PIK3R5: variants seen among roughly 807,000 people sequenced by gnomAD.
PIK3R5 encodes phosphoinositide 3-kinase regulatory subunit 5.
Under a neutral mutation model 94.9 loss-of-function variants are expected in PIK3R5, and 32 were observed. The ratio of observed to expected loss-of-function variants is 0.34; its 90% CI spans 0.25 to 0.45. The LOEUF is 0.45. PIK3R5 is among the 20% of genes least tolerant of loss of function. The pLI is 1.00. For missense variants in PIK3R5, 853 were observed against 1,144.6 expected, an observed-to-expected ratio of 0.75 and a Z score of 3.68; for synonymous variants, 443 against 479.4, an observed-to-expected ratio of 0.92 and a Z score of 0.99.
chr17:8,892,026 A>G lies in PIK3R5; in HGVS notation c.483-1114T>C, dbSNP rs1330454616. ...CTTCCCCCATGCCAACCCCTCCATC[A>G]CTGCATGACCTCGAAGCAAATTCGA... On this transcript the variant is annotated intron_variant, in intron 6 of 18. Transcript: ENST00000447110. The surrounding 1 kb of genome is among the most constrained non-coding windows in gnomAD (Gnocchi z 4.3). Among the ~76,000 whole-genome samples the G allele has an allele frequency of 6.6e-6, 1 of 152,000 alleles. No homozygotes were observed. Among genetic ancestry groups the G allele is most frequent in the African/African-American group, 2.4e-5 (1 of 41,396 alleles).
At chr17:8,908,788 G>A (rs1243039490) in intron 3 of PIK3R5, among the ~76,000 whole-genome samples, 1 of 152,152 alleles carries the variant, frequency 6.6e-6, no homozygotes, top group Admixed American at 6.5e-5. Flanking sequence ...AAGGAATTGG[G>A]TAAAGTGTCT....
At chr17:8,927,115 T>C (rs1480532638) in intron 1 of PIK3R5, among the ~76,000 whole-genome samples, 1 of 152,154 alleles carries the variant, frequency 6.6e-6, no homozygotes, top group East Asian at 1.9e-4. Flanking sequence ...TCTTTTTGCC[T>C]TATAGATTCC....
At position 8,886,512 on chromosome 17, in the gene PIK3R5, C is replaced by A. The variant is rs760089347; in HGVS notation, c.1999G>T (p.Ala667Ser). The change falls in exon 13 of 19, where the codon GCC becomes TCC. Residue 667 changes from alanine to serine, a missense_variant. By Grantham distance (99) the Ala-to-Ser change is moderately conservative. Around this residue, in one of 6 missense-constraint regions of PIK3R5, gnomAD observed 173 missense variants for 274.1 expected, o/e 0.63. Transcript: ENST00000447110. ...TAGACTTGCAGCAGCACCGGTCTGGCGGCAAAGCGGCAGTAGTAGAGTAGC... is the reference window on the plus strand; with the variant it reads ...TAGACTTGCAGCAGCACCGGTCTGGAGGCAAAGCGGCAGTAGTAGAGTAGC... ...DMLLYYCRFA[A>S]RPVLLQVYQT... 3 of 1,610,908 alleles carry A rather than the reference C, an allele frequency of 1.9e-6. No homozygotes were observed. The Admixed American group carries it at 5.0e-5, about 27-fold the overall frequency.
At chr17:8,928,582 C>T (rs1305498049) in intron 1 of PIK3R5, among the ~76,000 whole-genome samples, 2 of 152,022 alleles carry the variant, frequency 1.3e-5, no homozygotes, top group African/African-American at 4.8e-5. Flanking sequence ...ATTATGAATG[C>T]TAGAAGGAAG....
chr17:8,884,111 CCT>C lies in PIK3R5; in HGVS notation c.2205+594_2205+595del, dbSNP rs1337029425. Among the ~76,000 whole-genome samples, 3 of 152,174 alleles carry C rather than the reference CCT, an allele frequency of 2.0e-5. No individual in the cohort carries two copies. Among genetic ancestry groups the C allele is most frequent in the Non-Finnish European group, 2.9e-5 (2 of 68,022 alleles). On this transcript the variant is annotated intron_variant, in intron 15 of 18. Coordinates refer to ENST00000447110, the MANE Select transcript of PIK3R5 (RefSeq NM_001142633.3). The surrounding 1 kb of genome is among the most constrained non-coding windows in gnomAD (Gnocchi z 5.8). Reference sequence around the variant, plus strand: ...GAGGCCTAGGCTTCCCTGCTCAACCCCTCTTTTCCCCTGCCCAGCACAGAGGC... The same window carrying C: ...GAGGCCTAGGCTTCCCTGCTCAACCCCTTTTCCCCTGCCCAGCACAGAGGC...
intron 5 of PIK3R5, among the ~76,000 whole-genome samples, chr17:8,903,495 T>C (rs1442331594): frequency 6.7e-6 from 1 of 149,976 alleles, no homozygotes; most frequent in Non-Finnish European, 1.5e-5. Flanking sequence ...TATTTATTTG[T>C]AAAATATTTA....
At position 8,909,298 on chromosome 17, in the gene PIK3R5, T is replaced by TA; in HGVS notation, c.104-125_104-124insT. On this transcript the variant is annotated intron_variant, in intron 2 of 18. Transcript: ENST00000447110. This position sits in a 1 kb window ranked among gnomAD's most constrained non-coding sequence, Gnocchi z 4.3. ...CTGTGGTATTGCACTGGAACACTCT[T>TA]TTTTTTTTTTGAGACAGAGTCTTGC... 2.0e-6 allele frequency: 1 copy of TA among 503,600 alleles called. No homozygotes were observed. The highest frequency in any genetic ancestry group is 2.4e-5 in the South Asian group (1 of 42,112). The allele number at this position is 503,600 out of a possible 1,614,324, so 31.2% of individuals were successfully genotyped here. A position where few individuals can be genotyped will look rare whatever the true frequency, so the allele number is the denominator to read the frequency against.
At position 8,888,159 on chromosome 17, in the gene PIK3R5, T is replaced by G; in HGVS notation, c.1616+12A>C. 6.2e-7 allele frequency: 1 copy of G among 1,612,928 alleles called. No homozygotes were observed. Among genetic ancestry groups the G allele is most frequent in the Non-Finnish European group, 8.5e-7 (1 of 1,179,682 alleles). The stretch of plus-strand genomic sequence containing the variant: ...CCCAGGGCAGAGGGATGCTCCGCAT[T>G]ACGGCTCTTACCGAAGGTTGCTGTA... On this transcript the variant is annotated intron_variant, in intron 10 of 18. Coordinates refer to ENST00000447110, the MANE Select transcript of PIK3R5 (RefSeq NM_001142633.3). This position sits in a 1 kb window ranked among gnomAD's most constrained non-coding sequence, Gnocchi z 7.8.
At chr17:8,933,966 T>C (rs934276996) in intron 1 of PIK3R5, among the ~76,000 whole-genome samples, 6 of 152,208 alleles carry the variant, frequency 3.9e-5, no homozygotes, top group Non-Finnish European at 8.8e-5. Context: ...AAAGAGCATC[T>C]ATGAAAAATC....
rs1488626574 is a variant in PIK3R5 at position 8,889,026 on chromosome 17, C to G, written c.895+113G>C. Reference sequence around the variant, plus strand: ...CACTGCCCCCTTGCTCTGCTTAGAGCCTGCTCATGTGGGAGAGCTTTGGGG... The same window carrying G: ...CACTGCCCCCTTGCTCTGCTTAGAGGCTGCTCATGTGGGAGAGCTTTGGGG... On this transcript the variant is annotated intron_variant, in intron 9 of 18. Coordinates refer to ENST00000447110, the MANE Select transcript of PIK3R5 (RefSeq NM_001142633.3). This position sits in a 1 kb window ranked among gnomAD's most constrained non-coding sequence, Gnocchi z 4.1. 1.9e-5 allele frequency: 29 copies of G among 1,513,930 alleles called. No individual in the cohort carries two copies. The East Asian group carries it at 2.5e-4, about 13-fold the overall frequency. The allele number at this position is 1,513,930 out of a possible 1,614,324, so 93.8% of individuals were successfully genotyped here. A position where few individuals can be genotyped will look rare whatever the true frequency, so the allele number is the denominator to read the frequency against.
chr17:8,896,427 T>C lies in PIK3R5; in HGVS notation c.413-2772A>G, dbSNP rs555855922. On this transcript the variant is annotated intron_variant, in intron 5 of 18. Transcript: ENST00000447110. The surrounding 1 kb of genome is among the most constrained non-coding windows in gnomAD (Gnocchi z 4.0). ...AAACAACTTTCTGAGTTTAGCTTCT[T>C]AGATCAAGATTGGTGCAAGGGCTAA... Among the ~76,000 whole-genome samples the C allele has an allele frequency of 1.3e-5, 2 of 152,198 alleles. No homozygotes were observed. The highest frequency in any genetic ancestry group is 2.9e-5 in the Non-Finnish European group (2 of 68,018).
rs775639986 is a variant in PIK3R5, at chr17:8,890,084, C to T, written c.700G>A (p.Ala234Thr). The stretch of plus-strand genomic sequence containing the variant: ...CCAGATGCCAGCTCCTGTGCCTCTG[C>T]GGTCTCCGTGAAGATGTCCTCAAGC... ...AELEDIFTET[A>T]EAQELASGIG... The change falls in exon 8 of 19, where the codon GCA becomes ACA. Residue 234 changes from alanine (A) to threonine (T), a missense_variant. Transcript: ENST00000447110. The surrounding 1 kb of genome is among the most constrained non-coding windows in gnomAD (Gnocchi z 6.1). The T allele has an allele frequency of 1.7e-5, 28 of 1,613,990 alleles. No homozygotes were observed. Among genetic ancestry groups the T allele is most frequent in the East Asian group, 4.5e-5 (2 of 44,878 alleles).
chr17:8,928,846 A>C (rs1334085432), intron 1 of PIK3R5, among the ~76,000 whole-genome samples: 1 of 152,222 alleles, frequency 6.6e-6, no homozygotes, highest in African/African-American at 2.4e-5. Context: ...AATCTGGGTA[A>C]ATACAATAGA....
At chr17:8,930,706 A>G (rs767648581) in intron 1 of PIK3R5, among the ~76,000 whole-genome samples, 18 of 152,258 alleles carry the variant, frequency 1.2e-4, no homozygotes, top group Non-Finnish European at 2.2e-4. Context: ...GGAAATAACT[A>G]TTGATACACA....
At chr17:8,931,414 A>G (rs750495597) in intron 1 of PIK3R5, among the ~76,000 whole-genome samples, 6 of 152,210 alleles carry the variant, frequency 3.9e-5, no homozygotes, top group Non-Finnish European at 7.3e-5. Flanking sequence ...GCAACTGTTT[A>G]TAGACACTGG....
At chr17:8,932,162 GT>G (rs1330787087) in intron 1 of PIK3R5, among the ~76,000 whole-genome samples, 2 of 152,116 alleles carry the variant, frequency 1.3e-5, no homozygotes. Context: ...TTATAAATAT[GT>G]TCAGAGATTT....
chr17:8,914,182 C>G (rs1298133397), intron 1 of PIK3R5, among the ~76,000 whole-genome samples: 5 of 152,128 alleles, frequency 3.3e-5, no homozygotes, highest in African/African-American at 1.2e-4. Context: ...CCAGGTTACC[C>G]CCAGAGCAGG....
At chr17:8,921,547 G>T (rs2090744523) in intron 1 of PIK3R5, among the ~76,000 whole-genome samples, 1 of 152,154 alleles carries the variant, frequency 6.6e-6, no homozygotes, top group Non-Finnish European at 1.5e-5. Flanking sequence ...AGGTAAAGTG[G>T]TTAGGCACAA....
intron 1 of PIK3R5, among the ~76,000 whole-genome samples, chr17:8,963,545 T>G (rs1170340183): frequency 6.6e-6 from 1 of 151,058 alleles, no homozygotes; most frequent in African/African-American, 2.4e-5. Context: ...TTTTTGTTTG[T>G]CTGTTTGCTT....
Sources: allele counts gnomAD v4.1 joint callset (sites outside exome capture counted in the v4.1 genomes callset), GRCh38; gene constraint gnomAD v4.1.1; regional missense constraint gnomAD v4.1.1; non-coding constraint Gnocchi (gnomAD v3.1); transcripts MANE v1.5; gene names NCBI Gene and HGNC (gene_info 2026-07-23, HGNC 2026-07-21).